LIG1: variants seen among roughly 807,000 people sequenced by gnomAD.
LIG1 encodes ligase I, DNA, ATP-dependent.
LIG1 carries 70 observed loss-of-function variants against 115.7 expected under a neutral mutation model. The ratio of observed to expected loss-of-function variants is 0.60; its 90% CI spans 0.50 to 0.74. LIG1 has a LOEUF of 0.74. Ranked by LOEUF, LIG1 falls within the 30% of genes least tolerant of loss-of-function variation. The pLI is 0.00. For synonymous variants in LIG1, 487 were observed against 495.3 expected (o/e 0.98, Z 0.22); for missense variants, 1,115 against 1,225.6 (o/e 0.91, Z 1.35).
chr19:48,121,369 G>A (rs200266218), intron 23 of LIG1, 47 bp from the exon 24 acceptor site: 109 of 1,518,174 alleles, frequency 7.2e-5, no homozygotes, highest in Admixed American at 1.8e-4. Context: ...CGCCCAAGGC[G>A]GGGCCCTCAC....
chr19:48,156,437 C>T (rs930391204), intron 5 of LIG1, among the ~76,000 whole-genome samples: 6 of 152,218 alleles, frequency 3.9e-5, no homozygotes, highest in Non-Finnish European at 8.8e-5. Flanking sequence ...GAGCAGCGTA[C>T]ACGTGTTATC....
In LIG1 at chr19:48,151,304, C is replaced by T. The variant is rs1375382412; in HGVS notation, c.502G>A (p.Glu168Lys). 10 of 1,613,680 alleles carry T rather than the reference C, an allele frequency of 6.2e-6. No individual in the cohort carries two copies. In the Admixed American group the frequency reaches 1.7e-4, roughly 27 times the overall value. ...TCTCCTTCCTTCTCTGTGGCCACTT[C>T]AGCCTCTGTGAGGCTTTCTTTCGGG... Reference protein sequence around the residue: ...ETPKESLTEAEVATEKEGEDG... With the variant: ...ETPKESLTEAKVATEKEGEDG... The change falls in exon 7 of 28, where the codon GAA becomes AAA. Residue 168 changes from glutamate to lysine, a missense_variant. Physicochemically the swap from Glu to Lys is moderately conservative, Grantham distance 56. Transcript: ENST00000263274.
At position 48,121,052 on chromosome 19, in the gene LIG1, C is replaced by G. The variant is rs958500220; in HGVS notation, c.2385+118G>C. The G allele has an allele frequency of 3.2e-6, 5 of 1,571,332 alleles. No individual in the cohort carries two copies. In the East Asian group the frequency reaches 9.1e-5, roughly 29 times the overall value. On this transcript the variant is annotated intron_variant, in intron 24 of 27. Transcript: ENST00000263274. ...AAAAGTAAATAAAAACTGGGGAGAACGGATCCTTCACAGGGGGATGTGAGC... is the reference window on the plus strand; with the variant it reads ...AAAAGTAAATAAAAACTGGGGAGAAGGGATCCTTCACAGGGGGATGTGAGC...
At position 48,151,390 on chromosome 19, in the gene LIG1, A is replaced by G. The variant is rs762021110; in HGVS notation, c.467-51T>C. 2.3e-5 allele frequency: 27 copies of G among 1,149,094 alleles called. No homozygotes were observed. In the South Asian group the frequency reaches 2.7e-4, roughly 11 times the overall value. 71.2% of individuals were successfully genotyped at this position (1,149,094 alleles called of 1,614,324 possible). On this transcript the variant is annotated intron_variant, in intron 6 of 27. Transcript: ENST00000263274. Reference sequence around the variant, plus strand: ...GGCAAAAAAATCCCATTGAACCTACAAGGGCATTTTGACTCTGGAGACAGT... The same window carrying G: ...GGCAAAAAAATCCCATTGAACCTACGAGGGCATTTTGACTCTGGAGACAGT...
chr19:48,135,603 C>T lies in LIG1; in HGVS notation c.1523+77G>A, dbSNP rs1462190362. On this transcript the variant is annotated intron_variant, in intron 16 of 27. Coordinates refer to ENST00000263274, the MANE Select transcript of LIG1 (RefSeq NM_000234.3). ...TCCGTCACTTCACTGGCCCCACCCA[C>T]TGCTCCTCTGGCTCCACCCCCACCC... The T allele has an allele frequency of 8.6e-6, 10 of 1,158,578 alleles. No individual in the cohort carries two copies. In the East Asian group the frequency reaches 2.1e-4, roughly 24 times the overall value. 71.8% of individuals were successfully genotyped at this position (1,158,578 alleles called of 1,614,324 possible). A position where few individuals can be genotyped will look rare whatever the true frequency, so the allele number is the denominator to read the frequency against.
intron 5 of LIG1, among the ~76,000 whole-genome samples, chr19:48,156,721 T>A (rs1251868319): frequency 6.6e-6 from 1 of 151,644 alleles, no homozygotes; most frequent in East Asian, 1.9e-4. Flanking sequence ...GGCAGGCGGA[T>A]CACGAGGTCA....
At chr19:48,116,051 C>T (rs2032792405) in intron 26 of LIG1, 86 bp from the exon 27 acceptor site, 1 of 973,542 alleles carries the variant, frequency 1.0e-6, no homozygotes, top group African/African-American at 1.6e-5. Flanking sequence ...GGACTGTTTC[C>T]TGATCCACAT....
In LIG1 at chr19:48,122,889, T is replaced by C; in HGVS notation, c.2232+45A>G. 6.3e-7 allele frequency: 1 copy of C among 1,576,818 alleles called. No homozygotes were observed. Among genetic ancestry groups the C allele is most frequent in the Non-Finnish European group, 8.7e-7 (1 of 1,146,654 alleles). On this transcript the variant is annotated intron_variant, in intron 23 of 27. Transcript: ENST00000263274. The surrounding 1 kb of genome is among the most constrained non-coding windows in gnomAD (Gnocchi z 4.3). Reference sequence around the variant, plus strand: ...ATCCACTGCCTAGCTGGGACAGACCTCCAGACCCGGGGTGGAGAAGGCCCA... The same window carrying C: ...ATCCACTGCCTAGCTGGGACAGACCCCCAGACCCGGGGTGGAGAAGGCCCA...
chr19:48,120,079 T>C (rs2033161321), intron 24 of LIG1: 1 of 563,734 alleles, frequency 1.8e-6, no homozygotes, highest in Non-Finnish European at 2.2e-6. Flanking sequence ...GGTGACAATG[T>C]AGATTGGTGG....
chr19:48,140,104 G>C lies in LIG1; in HGVS notation c.954C>G (p.Ser318=). 6.2e-7 allele frequency: 1 copy of C among 1,613,826 alleles called. No homozygotes were observed. The highest frequency in any genetic ancestry group is 8.5e-7 in the Non-Finnish European group (1 of 1,180,030). Residue 318 remains serine, a synonymous_variant, in exon 12 of 28, where the codon TCC becomes TCG. Coordinates refer to ENST00000263274, the MANE Select transcript of LIG1 (RefSeq NM_000234.3). ...GGTCTGGAGGCGACAGGGCCACCAC[G>C]GAGCGCAGCAAGTTGCTCAGCGTCT... ...MVETLSNLLR[S]VVALSPPDLL...
chr19:48,137,764 A>T lies in LIG1; in HGVS notation c.1088-76T>A. The T allele has an allele frequency of 2.6e-6, 4 of 1,552,848 alleles. No homozygotes were observed. Among genetic ancestry groups the T allele is most frequent in the Non-Finnish European group, 3.5e-6 (4 of 1,147,300 alleles). ...GTGTCTCCCTTCTCTCGCGGCCTGG[A>T]TGAATTTTCTCCAGCTGTGTGTGCT... On this transcript the variant is annotated intron_variant, in intron 12 of 27. Transcript: ENST00000263274. This position sits in a 1 kb window ranked among gnomAD's most constrained non-coding sequence, Gnocchi z 4.3.
chr19:48,162,455 ACAGAGT>A lies in LIG1; in HGVS notation c.18-110_18-105del, dbSNP rs1282529896. On this transcript the variant is annotated intron_variant, in intron 2 of 27. Transcript: ENST00000263274. ...TTCCTTTTTTTTTTTTTTTTTTGAG[ACAGAGT>A]CTCGCTCTGTAGCCCAGGCTGGAGT... is the stretch of plus-strand genomic sequence containing the variant. The A allele has an allele frequency of 2.6e-4, 202 of 784,878 alleles. No homozygotes were observed. The African/African-American group carries it at 3.3e-3, about 13-fold the overall frequency. 48.6% of individuals were successfully genotyped at this position (784,878 alleles called of 1,614,324 possible).
rs754927101 is a variant in LIG1, at chr19:48,127,897, C to T, written c.1932+13G>A. ...TACGGGGCCTTGGCAGGCAGTGGAGCGGGTGATGCTACCTTGCGTTTGCGG... is the reference window on the plus strand; with the variant it reads ...TACGGGGCCTTGGCAGGCAGTGGAGTGGGTGATGCTACCTTGCGTTTGCGG... On this transcript the variant is annotated intron_variant, in intron 20 of 27. Coordinates refer to ENST00000263274, the MANE Select transcript of LIG1 (RefSeq NM_000234.3). 19 of 1,605,022 alleles carry T rather than the reference C, an allele frequency of 1.2e-5. No homozygotes were observed. Among genetic ancestry groups the T allele is most frequent in the South Asian group, 7.7e-5 (7 of 90,880 alleles).
chr19:48,139,069 C>A (rs564056510), intron 12 of LIG1, among the ~76,000 whole-genome samples: 43 of 152,330 alleles, frequency 2.8e-4, no homozygotes, highest in African/African-American at 9.9e-4. Flanking sequence ...CCAGCACATC[C>A]TCTCCCCAGG....
In LIG1 at chr19:48,136,119, C is replaced by T. The variant is rs186097579; in HGVS notation, c.1338G>A (p.Leu446=). The stretch of plus-strand genomic sequence containing the variant: ...CCAGCCCAAGGCGCAGCCGTCCGCT[C>T]AGGGACCTGGGGAGAGAGCAGGCCA... ...HSEARFIARS[L]SGRLRLGLAE... Residue 446 remains leucine, a synonymous_variant, in exon 15 of 28, where the codon CTG becomes CTA. Coordinates refer to ENST00000263274, the MANE Select transcript of LIG1 (RefSeq NM_000234.3). The T allele has an allele frequency of 1.7e-4, 274 of 1,566,504 alleles. No individual in the cohort carries two copies. In the East Asian group the frequency reaches 6.5e-3, roughly 37 times the overall value.
chr19:48,150,054 A>G (rs1323751423), intron 8 of LIG1, 34 bp downstream of exon 8: 2 of 1,613,796 alleles, frequency 1.2e-6, no homozygotes, highest in Non-Finnish European at 8.5e-7. Flanking sequence ...TGCCTGTACA[A>G]CCCCGGGAGG....
Position 48,163,092 on chromosome 19 carries a change from AT to A in LIG1, c.18-742del, listed in dbSNP as rs2036278527. Among the ~76,000 whole-genome samples the A allele has an allele frequency of 2.0e-5, 3 of 147,604 alleles. No individual in the cohort carries two copies. In the South Asian group the frequency reaches 6.4e-4, roughly 31 times the overall value. ...ACAACGCCCAGCTAATTTTTTTTGT[AT>A]TTTTGGTAGACACGGGTTTTCTCCA... On this transcript the variant is annotated intron_variant, in intron 2 of 27. Coordinates refer to ENST00000263274, the MANE Select transcript of LIG1 (RefSeq NM_000234.3).
intron 1 of LIG1, chr19:48,169,461 G>A (rs956610814): frequency 2.0e-5 from 3 of 152,250 alleles, no homozygotes; most frequent in Non-Finnish European, 4.4e-5. Context: ...CAACTTCCTT[G>A]AATCTATAAT....
chr19:48,143,686 C>T (rs963193469), intron 10 of LIG1, 87 bp from the exon 11 acceptor site: 50 of 1,253,390 alleles, frequency 4.0e-5, no homozygotes, highest in African/African-American at 1.6e-4. Context: ...CACGCCTCCT[C>T]GGGACACCCT....
Sources: gnomAD v4.1 joint callset for allele counts (sites outside exome capture counted in the v4.1 genomes callset) on GRCh38, gnomAD v4.1.1 for gene constraint, Gnocchi (gnomAD v3.1) non-coding constraint, MANE v1.5 for transcripts, NCBI Gene and HGNC (gene_info 2026-07-23, HGNC 2026-07-21) for gene names.